The following TRIM9 variants were observed in gnomAD, a reference collection of about 807,000 sequenced individuals.
TRIM9 encodes tripartite motif containing 9.
Under a neutral mutation model 78.3 loss-of-function variants are expected in TRIM9, and 26 were observed. The ratio of observed to expected loss-of-function variants is 0.33; its 90% CI spans 0.24 to 0.46. TRIM9 has a LOEUF of 0.46. Among genes scored for constraint, TRIM9 ranks in the 20% least tolerant of loss-of-function variants. The pLI is 1.00. For missense variants in TRIM9, 787 were observed against 1,036.4 expected, an observed-to-expected ratio of 0.76 and a Z score of 3.30; for synonymous variants, 398 against 416.5, an observed-to-expected ratio of 0.96 and a Z score of 0.54.
chr14:51,023,161 A>C (rs2057918381), intron 2 of TRIM9, among the ~76,000 whole-genome samples: 1 of 152,226 alleles, frequency 6.6e-6, no homozygotes, highest in African/African-American at 2.4e-5. Context: ...AGGGATAAAT[A>C]TTTATCACTT....
chr14:51,015,820 T>C (rs2057129131), intron 3 of TRIM9, among the ~76,000 whole-genome samples: 1 of 152,194 alleles, frequency 6.6e-6, no homozygotes, highest in Non-Finnish European at 1.5e-5. Flanking sequence ...CTTTTTCCTA[T>C]AGTACTCTCT....
chr14:51,024,049 G>A (rs11628591), intron 2 of TRIM9, among the ~76,000 whole-genome samples: 41,813 of 152,108 alleles, frequency 0.27, 6,133 homozygotes, highest in African/African-American at 0.32. Flanking sequence ...GCTAAATTTT[G>A]GCTTTCACGG....
At chr14:51,051,299 C>A (rs2140078974) in intron 1 of TRIM9, among the ~76,000 whole-genome samples, 1 of 152,260 alleles carries the variant, frequency 6.6e-6, no homozygotes, top group East Asian at 1.9e-4. Flanking sequence ...GCTCAAAAGA[C>A]ACAGATTGAA....
At chr14:50,979,162 T>C (rs968731879) in intron 12 of TRIM9, 19 of 1,422,022 alleles carry the variant, frequency 1.3e-5, no homozygotes, top group East Asian at 2.5e-5. Context: ...TAGTTTCCTA[T>C]GTGCTATTAA....
At chr14:51,025,764 G>A (rs1265198690) in intron 1 of TRIM9, among the ~76,000 whole-genome samples, 4 of 152,200 alleles carry the variant, frequency 2.6e-5, no homozygotes, top group Admixed American at 2.6e-4. Flanking sequence ...TCTGGGTAGG[G>A]CAGAAAGAAT....
At chr14:51,049,789 C>A (rs1392082459) in intron 1 of TRIM9, among the ~76,000 whole-genome samples, 2 of 150,676 alleles carry the variant, frequency 1.3e-5, no homozygotes, top group African/African-American at 4.9e-5. Context: ...TGCACCACTG[C>A]ACTCCAGCCT....
intron 1 of TRIM9, among the ~76,000 whole-genome samples, chr14:51,051,898 T>C (rs996445925): frequency 1.3e-5 from 2 of 151,516 alleles, no homozygotes; most frequent in South Asian, 2.1e-4. Flanking sequence ...ACCCAGGAGA[T>C]GGAGGTTGCA....
intron 2 of TRIM9, 69 bp from the exon 3 acceptor site, chr14:51,023,026 TC>T: frequency 6.3e-7 from 1 of 1,594,616 alleles, no homozygotes; most frequent in South Asian, 1.1e-5. Context: ...AAAACAGAGC[TC>T]CCCCATCCTG....
chr14:51,009,312 G>T, intron 4 of TRIM9, 79 bp from the exon 5 acceptor site: 3 of 1,559,494 alleles, frequency 1.9e-6, no homozygotes, highest in Non-Finnish European at 2.6e-6. Context: ...GGCTCTCCAG[G>T]AGCATTACTC....
chr14:51,009,144 G>C lies in TRIM9; in HGVS notation c.1242C>G (p.Asp414Glu). 6.2e-7 allele frequency: 1 copy of C among 1,614,054 alleles called. No individual in the cohort carries two copies. ...TLTPRMTTDFDLSLDNSPLLQ... is the reference protein window; with the variant it reads ...TLTPRMTTDFELSLDNSPLLQ... Reference sequence around the variant, plus strand: ...GCAGAGGGCTGTTGTCCAGACTCAAGTCAAAGTCCGTGGTCATCCTTGGAG... The same window carrying C: ...GCAGAGGGCTGTTGTCCAGACTCAACTCAAAGTCCGTGGTCATCCTTGGAG... The change falls in exon 5 of 13, where the codon GAC becomes GAG. Residue 414 changes from aspartate to glutamate, a missense_variant. Physicochemically the swap from Asp to Glu is conservative, Grantham distance 45 (BLOSUM62 2). Around this residue, in one of 3 missense-constraint regions of TRIM9, gnomAD observed 421 missense variants for 514.3 expected, o/e 0.82. Transcript: ENST00000684578.
chr14:51,084,652 C>T (rs997194652), intron 1 of TRIM9, among the ~76,000 whole-genome samples: 4 of 152,272 alleles, frequency 2.6e-5, no homozygotes, highest in Admixed American at 2.6e-4. Flanking sequence ...GTGACTAATG[C>T]TCTTGGGATA....
intron 7 of TRIM9, among the ~76,000 whole-genome samples, chr14:50,994,864 C>G (rs1315773555): frequency 2.6e-5 from 4 of 152,168 alleles, no homozygotes; most frequent in African/African-American, 9.7e-5. Flanking sequence ...TTCTTAATTG[C>G]TTACAGTTAT....
intron 1 of TRIM9, among the ~76,000 whole-genome samples, chr14:51,074,345 A>C (rs1206513335): frequency 6.6e-6 from 1 of 152,174 alleles, no homozygotes; most frequent in Admixed American, 6.5e-5. Flanking sequence ...AAAATCTAAC[A>C]ATCACTTGAA....
At chr14:51,087,856 A>G (rs747537488) in intron 1 of TRIM9, among the ~76,000 whole-genome samples, 2 of 152,224 alleles carry the variant, frequency 1.3e-5, no homozygotes, top group Admixed American at 6.5e-5. Flanking sequence ...GAAAAACTCA[A>G]TTAGACCAGT....
intron 1 of TRIM9, among the ~76,000 whole-genome samples, chr14:51,079,616 G>C (rs2063118476): frequency 6.6e-6 from 1 of 152,220 alleles, no homozygotes; most frequent in Non-Finnish European, 1.5e-5. Context: ...GTTAGGATCA[G>C]AGCCAGCCCT....
At chr14:51,031,072 T>C (rs1452458081) in intron 1 of TRIM9, among the ~76,000 whole-genome samples, 3 of 139,046 alleles carry the variant, frequency 2.2e-5, no homozygotes, top group Non-Finnish European at 4.5e-5. Flanking sequence ...CGCTTGAACC[T>C]GAGAGGCGGA....
chr14:51,017,642 T>C (rs2057342265), intron 3 of TRIM9, among the ~76,000 whole-genome samples: 1 of 152,218 alleles, frequency 6.6e-6, no homozygotes, highest in Admixed American at 6.5e-5. Context: ...GTATGATGTT[T>C]TGTAGCATGT....
At chr14:51,041,024 C>T (rs1180224959) in intron 1 of TRIM9, among the ~76,000 whole-genome samples, 3 of 152,160 alleles carry the variant, frequency 2.0e-5, no homozygotes, top group Non-Finnish European at 4.4e-5. Context: ...AATTTCCTTC[C>T]ACAACAAAAT....
chr14:51,080,504 C>A (rs558794463), intron 1 of TRIM9, among the ~76,000 whole-genome samples: 1 of 150,918 alleles, frequency 6.6e-6, no homozygotes, highest in African/African-American at 2.4e-5. Context: ...AAAAATGAGT[C>A]TTTGGATGTT....
Sources: allele counts gnomAD v4.1 joint callset (sites outside exome capture counted in the v4.1 genomes callset), GRCh38; gene constraint gnomAD v4.1.1; regional missense constraint gnomAD v4.1.1; transcripts MANE v1.5; gene names NCBI Gene and HGNC (gene_info 2026-07-23, HGNC 2026-07-21).